The following DOCK10 variants were observed in gnomAD, a reference collection of about 807,000 sequenced individuals.
DOCK10 encodes the protein dedicator of cytokinesis protein 10.
Under a neutral mutation model 280.1 loss-of-function variants are expected in DOCK10, and 145 were observed. That is an observed-to-expected ratio of 0.52 (90% CI 0.45 to 0.59). The LOEUF (loss-of-function observed/expected upper bound fraction) is 0.59. Ranked by LOEUF, DOCK10 falls within the 20% of genes least tolerant of loss-of-function variation. DOCK10 has a pLI of 0.00. For synonymous variants in DOCK10, 915 were observed against 942.2 expected (o/e 0.97, Z 0.53); for missense variants, 2,368 against 2,651.7 (o/e 0.89, Z 2.35).
chr2:225,026,566 A>G (rs1204645148), intron 1 of DOCK10, among the ~76,000 whole-genome samples: 3 of 152,188 alleles, frequency 2.0e-5, no homozygotes, highest in Non-Finnish European at 4.4e-5. Context: ...ATAATTGAGC[A>G]TGGTTTTAGT....
At chr2:224,920,589 T>C (rs534748306) in intron 2 of DOCK10, among the ~76,000 whole-genome samples, 7 of 99,798 alleles carry the variant, frequency 7.0e-5, no homozygotes, top group African/African-American at 2.2e-4. Context: ...TTTACAGATA[T>C]ATGGTGTTGC....
chr2:224,819,499 C>T lies in DOCK10; in HGVS notation c.3214G>A (p.Val1072Met), dbSNP rs1694364627. The T allele has an allele frequency of 6.2e-7, 1 of 1,610,468 alleles. No individual in the cohort carries two copies. The highest frequency in any genetic ancestry group is 1.7e-5 in the Admixed American group (1 of 59,400). Reference protein sequence around the residue: ...RCFTFMDRGYVFKMVNNYISM... With the variant: ...RCFTFMDRGYMFKMVNNYISM... Reference sequence around the variant, plus strand: ...ATGTAATTGTTGACCATCTTAAACACATACCCTCGGTCCATAAATGTAAAG... The same window carrying T: ...ATGTAATTGTTGACCATCTTAAACATATACCCTCGGTCCATAAATGTAAAG... Residue 1072 changes from valine to methionine, a missense_variant, in exon 29 of 56, where the codon GTG becomes ATG. Val to Met is a conservative substitution (Grantham distance 21). Around this residue, in one of 2 missense-constraint regions of DOCK10, gnomAD observed 1,159 missense variants for 1,400.8 expected, o/e 0.83. Transcript: ENST00000258390.
chr2:224,878,971 G>T (rs1432734498), intron 7 of DOCK10, among the ~76,000 whole-genome samples: 1 of 152,176 alleles, frequency 6.6e-6, no homozygotes, highest in Non-Finnish European at 1.5e-5. Flanking sequence ...TGCAGAATAG[G>T]AATGACAGGC....
intron 24 of DOCK10, among the ~76,000 whole-genome samples, chr2:224,839,128 G>A (rs6731701): frequency 0.19 from 28,352 of 151,684 alleles, 4,154 homozygotes; most frequent in African/African-American, 0.41. Context: ...ACCCAGGCTG[G>A]AGTGCAGTGG....
intron 19 of DOCK10, 21 bp from the exon 20 acceptor site, chr2:224,845,663 G>A: frequency 6.3e-7 from 1 of 1,596,736 alleles, no homozygotes; most frequent in Non-Finnish European, 8.5e-7. Flanking sequence ...AGAAACCATA[G>A]TTGGACTGAG....
intron 26 of DOCK10, among the ~76,000 whole-genome samples, chr2:224,832,414 G>C (rs1695296873): frequency 6.6e-6 from 1 of 152,072 alleles, no homozygotes; most frequent in Non-Finnish European, 1.5e-5. Flanking sequence ...ACTGTCAATG[G>C]GCATTTGGAT....
At chr2:224,902,119 T>C (rs1476602663) in intron 3 of DOCK10, among the ~76,000 whole-genome samples, 5 of 152,244 alleles carry the variant, frequency 3.3e-5, no homozygotes, top group Admixed American at 2.0e-4. Flanking sequence ...TTTTTCTCCT[T>C]GTTCCTCTGC....
chr2:224,961,033 CG>C (rs1704351755), intron 1 of DOCK10, among the ~76,000 whole-genome samples: 1 of 152,160 alleles, frequency 6.6e-6, no homozygotes, highest in Non-Finnish European at 1.5e-5. Context: ...CCACCGCGCC[CG>C]GCCCCCATCA....
At position 224,765,570 on chromosome 2, in the gene DOCK10, C is replaced by A; in HGVS notation, c.*151G>T. On this transcript the variant is annotated 3_prime_UTR_variant, in exon 56 of 56. Transcript: ENST00000258390. ...AAAAATTATACAAAATGTGCAAATT[C>A]AGAGGTTGGCAAAATTCTGAAGCTA... 1 of 561,692 alleles carries A rather than the reference C, an allele frequency of 1.8e-6. No individual in the cohort carries two copies. Among genetic ancestry groups the A allele is most frequent in the Non-Finnish European group, 3.1e-6 (1 of 320,208 alleles). 34.8% of individuals were successfully genotyped at this position (561,692 alleles called of 1,614,324 possible).
intron 3 of DOCK10, among the ~76,000 whole-genome samples, chr2:224,905,869 T>C (rs1377601789): frequency 2.6e-5 from 4 of 152,130 alleles, no homozygotes; most frequent in Non-Finnish European, 5.9e-5. Flanking sequence ...CTCAGGGACC[T>C]GCCTTCTCAG....
intron 47 of DOCK10, among the ~76,000 whole-genome samples, chr2:224,791,575 T>C (rs563663633): frequency 3.2e-4 from 48 of 151,858 alleles, no homozygotes; most frequent in African/African-American, 1.1e-3. Context: ...AGCAATTCTC[T>C]GCCTCAGCCT....
At chr2:225,030,021 C>T (rs1299057110) in intron 1 of DOCK10, among the ~76,000 whole-genome samples, 3 of 151,646 alleles carry the variant, frequency 2.0e-5, no homozygotes, top group African/African-American at 4.8e-5. Context: ...TGGCACACAC[C>T]TGTAGTCCCA....
intron 19 of DOCK10, among the ~76,000 whole-genome samples, chr2:224,848,780 A>T (rs1696531623): frequency 6.6e-6 from 1 of 152,158 alleles, no homozygotes; most frequent in South Asian, 2.1e-4. Context: ...GCATGTTATA[A>T]GCCATGGAAT....
intron 1 of DOCK10, among the ~76,000 whole-genome samples, chr2:224,958,857 C>T (rs1390518289): frequency 1.3e-5 from 2 of 152,106 alleles, no homozygotes; most frequent in African/African-American, 4.8e-5. Context: ...GAGTATTGCA[C>T]TTTGTTTTCT....
intron 3 of DOCK10, among the ~76,000 whole-genome samples, chr2:224,897,091 C>T (rs945031755): frequency 4.6e-5 from 7 of 152,148 alleles, no homozygotes; most frequent in African/African-American, 1.7e-4. Flanking sequence ...ATATAAGAGC[C>T]TTTTGTCATG....
chr2:224,969,426 A>G (rs1704959630), intron 1 of DOCK10, among the ~76,000 whole-genome samples: 1 of 152,202 alleles, frequency 6.6e-6, no homozygotes. Flanking sequence ...ATGGTTCATC[A>G]TTTCTTTTTG....
At chr2:224,765,969 T>A (rs1217620744) in intron 55 of DOCK10, 132 bp from the exon 56 acceptor site, 2 of 603,648 alleles carry the variant, frequency 3.3e-6, no homozygotes, top group African/African-American at 3.8e-5. Flanking sequence ...AAAAGACACA[T>A]ATTAAAGTGG....
At chr2:224,826,499 A>G (rs1694862363) in intron 27 of DOCK10, among the ~76,000 whole-genome samples, 1 of 152,142 alleles carries the variant, frequency 6.6e-6, no homozygotes. Context: ...TTCCTTTAAT[A>G]GTGGAGAAAA....
At chr2:224,832,368 C>A (rs928333042) in intron 26 of DOCK10, among the ~76,000 whole-genome samples, 1 of 152,154 alleles carries the variant, frequency 6.6e-6, no homozygotes, top group Non-Finnish European at 1.5e-5. Context: ...ATGGTCACCA[C>A]ATGACATATA....
Sources: allele counts gnomAD v4.1 joint callset (sites outside exome capture counted in the v4.1 genomes callset), GRCh38; gene constraint gnomAD v4.1.1; regional missense constraint gnomAD v4.1.1; transcripts MANE v1.5; gene names NCBI Gene and HGNC (gene_info 2026-07-23, HGNC 2026-07-21).